The following ABCA1 variants were observed in gnomAD, a reference collection of about 807,000 sequenced individuals.
The protein encoded by ABCA1 is phospholipid-transporting ATPase ABCA1.
A neutral mutation model predicts 262.5 loss-of-function variants in ABCA1; 133 were observed. That is an observed-to-expected ratio of 0.51 (90% CI 0.44 to 0.59). The LOEUF (loss-of-function observed/expected upper bound fraction) is 0.59, where lower values mean the gene tolerates loss of function less well. Among genes scored for constraint, ABCA1 ranks in the 20% least tolerant of loss-of-function variants. ABCA1 has a pLI of 0.00. For synonymous variants in ABCA1, 1,022 were observed against 1,043.5 expected, an observed-to-expected ratio of 0.98 and a Z score of 0.40; for missense variants, 2,452 against 2,777.5, an observed-to-expected ratio of 0.88 and a Z score of 2.63.
intron 16 of ABCA1, 141 bp from the exon 17 acceptor site, chr9:104,826,028 G>A: frequency 1.2e-6 from 1 of 849,358 alleles, no homozygotes; most frequent in Non-Finnish European, 1.9e-6. Flanking sequence ...TTTACCTATA[G>A]AGTCCCTTTA....
chr9:104,812,633 C>A lies in ABCA1; in HGVS notation c.3991G>T (p.Ala1331Ser). ...ATTAGCAGTCTCTTCCACAAAAGGG[C>A]CACAAACTGTTGCTGTGTAAGTTTC... ...GWKLTQQQFV[A>S]LLWKRLLIAR... Residue 1331 changes from alanine (A) to serine (S), a missense_variant, in exon 28 of 50, where the codon GCC becomes TCC. Coordinates refer to ENST00000374736, the MANE Select transcript of ABCA1 (RefSeq NM_005502.4). 6.2e-7 allele frequency: 1 copy of A among 1,614,224 alleles called. No individual in the cohort carries two copies.
Position 104,818,672 on chromosome 9 carries a change from G to A in ABCA1, c.3453C>T (p.Tyr1151=), listed in dbSNP as rs1831998162. The A allele has an allele frequency of 1.2e-6, 2 of 1,613,016 alleles. No individual in the cohort carries two copies. The highest frequency in any genetic ancestry group is 1.7e-6 in the Non-Finnish European group (2 of 1,180,016). ...SCRNSSSTVS[Y]LKKEDSVSQS... ...CAAGACTGCAGCTCACCTTTTTCAG[G>A]TATGACACAGTGCTACTACTGTTTC... Residue 1151 remains tyrosine, a synonymous_variant, in exon 23 of 50, where the codon TAC becomes TAT. Transcript: ENST00000374736.
At chr9:104,835,448 T>C (rs940918933) in intron 11 of ABCA1, among the ~76,000 whole-genome samples, 10 of 152,126 alleles carry the variant, frequency 6.6e-5, no homozygotes, top group Non-Finnish European at 1.2e-4. Flanking sequence ...CTCACTTTGA[T>C]GCCTCCCTCT....
rs533411994 is a variant in ABCA1, at chr9:104,881,331, T to A, written c.421+1708A>T. The stretch of plus-strand genomic sequence containing the variant: ...AAATGCATCACTGTCTTAGAAAGAA[T>A]ACTGGCTCTCATTTATTGGGAATCT... On this transcript the variant is annotated intron_variant, in intron 5 of 49. Coordinates refer to ENST00000374736, the MANE Select transcript of ABCA1 (RefSeq NM_005502.4). Among the ~76,000 whole-genome samples, 30 of 152,326 alleles carry A rather than the reference T, an allele frequency of 2.0e-4. No homozygotes were observed. In the South Asian group the frequency reaches 5.2e-3, roughly 26 times the overall value.
In ABCA1 at chr9:104,799,902, C is replaced by T; in HGVS notation, c.4860G>A (p.Lys1620=). ...TTCCATAATGGCTAGGGTTCTCTCC[C>T]TTTTGCAGGTTGGCCCGGAGAATGG... ...NNAILRANLQ[K]GENPSHYGIT... The change falls in exon 36 of 50, where the codon AAG becomes AAA. Residue 1620 remains lysine, a synonymous_variant. Coordinates refer to ENST00000374736, the MANE Select transcript of ABCA1 (RefSeq NM_005502.4). 6.2e-7 allele frequency: 1 copy of T among 1,614,192 alleles called. No homozygotes were observed. The highest frequency in any genetic ancestry group is 8.5e-7 in the Non-Finnish European group (1 of 1,180,032).
intron 7 of ABCA1, among the ~76,000 whole-genome samples, chr9:104,848,625 A>G (rs1007800197): frequency 6.6e-6 from 1 of 151,956 alleles, no homozygotes; most frequent in African/African-American, 2.4e-5. Flanking sequence ...AGAAAAAAAA[A>G]AAAAAATGCA....
At chr9:104,819,849 G>C in intron 21 of ABCA1, 78 bp downstream of exon 21, 2 of 1,608,738 alleles carry the variant, frequency 1.2e-6, no homozygotes, top group South Asian at 1.1e-5. Context: ...GGACCCTGGG[G>C]CAGTGCTGAT....
chr9:104,883,995 G>A (rs1179574153), intron 4 of ABCA1, among the ~76,000 whole-genome samples: 1 of 152,214 alleles, frequency 6.6e-6, no homozygotes, highest in Non-Finnish European at 1.5e-5. Flanking sequence ...AGTGACAGAG[G>A]TGAGAGAGGT....
intron 1 of ABCA1, among the ~76,000 whole-genome samples, chr9:104,914,305 C>T (rs1201525339): frequency 2.0e-5 from 3 of 151,504 alleles, no homozygotes; most frequent in African/African-American, 7.3e-5. Flanking sequence ...GATAAAACCC[C>T]ATCTCCACTA....
At chr9:104,822,443 T>C in intron 19 of ABCA1, 53 bp downstream of exon 19, 1 of 1,608,212 alleles carries the variant, frequency 6.2e-7, no homozygotes, top group South Asian at 1.1e-5. Flanking sequence ...TTTCTAACTC[T>C]ACTGCAGAAC....
In ABCA1 at chr9:104,862,634, CG is replaced by C. The variant is rs1269740390; in HGVS notation, c.422-835del. Among the ~76,000 whole-genome samples, 216 of 62,146 alleles carry C rather than the reference CG, an allele frequency of 3.5e-3. 3 individuals carry two copies. Among genetic ancestry groups the C allele is most frequent in the Non-Finnish European group, 5.7e-3 (179 of 31,560 alleles). The allele number at this position is 62,146 out of a possible 152,430, so 40.8% of individuals were successfully genotyped here. On this transcript the variant is annotated intron_variant, in intron 5 of 49. Coordinates refer to ENST00000374736, the MANE Select transcript of ABCA1 (RefSeq NM_005502.4). The stretch of plus-strand genomic sequence containing the variant: ...GAGAGCTTGTTAAAATGCAGACTGC[CG>C]GGCCGGGCCGGGCCGGGCCGGGCCG...
chr9:104,884,008 C>T (rs3904999), intron 4 of ABCA1, among the ~76,000 whole-genome samples: 30,497 of 152,098 alleles, frequency 0.2, 3,171 homozygotes, highest in South Asian at 0.32. Flanking sequence ...AGAGAGGTGA[C>T]CTGATGCAGA....
intron 2 of ABCA1, among the ~76,000 whole-genome samples, chr9:104,892,233 C>T (rs1003575737): frequency 1.3e-5 from 2 of 151,866 alleles, no homozygotes; most frequent in African/African-American, 4.8e-5. Flanking sequence ...TGTAAATAAT[C>T]CCAAAGAGGC....
rs181469381 is a variant in ABCA1, at chr9:104,805,191, C to T, written c.4465-471G>A. The stretch of plus-strand genomic sequence containing the variant: ...CCAGGTTCAAGCAATTCTCCTGCTT[C>T]AGCCTCCCAAGTAACTGGGATTACA... On this transcript the variant is annotated intron_variant, in intron 31 of 49. Coordinates refer to ENST00000374736, the MANE Select transcript of ABCA1 (RefSeq NM_005502.4). Among the ~76,000 whole-genome samples the T allele has an allele frequency of 4.5e-3, 681 of 152,304 alleles. 5 individuals are homozygous for T. Among genetic ancestry groups the T allele is most frequent in the African/African-American group, 0.016 (657 of 41,556 alleles).
chr9:104,786,729 G>GT, intron 47 of ABCA1, 144 bp downstream of exon 47: 1 of 798,612 alleles, frequency 1.3e-6, no homozygotes. Flanking sequence ...TTGCATTTTT[G>GT]TAAGAATATG....
At chr9:104,815,005 TA>T (rs1046858315) in intron 25 of ABCA1, among the ~76,000 whole-genome samples, 10 of 151,168 alleles carry the variant, frequency 6.6e-5, no homozygotes, top group African/African-American at 2.4e-4. Flanking sequence ...TCATCAAAAA[TA>T]AAAAAAAATT....
chr9:104,832,217 C>T (rs1014205180), intron 12 of ABCA1, among the ~76,000 whole-genome samples: 4 of 152,062 alleles, frequency 2.6e-5, no homozygotes, highest in African/African-American at 7.2e-5. Context: ...TTTAATTGGA[C>T]CCGAATTCGA....
chr9:104,787,785 T>C, intron 46 of ABCA1, 135 bp downstream of exon 46: 1 of 1,588,842 alleles, frequency 6.3e-7, no homozygotes, highest in Non-Finnish European at 8.6e-7. Context: ...TTCCCTCTGC[T>C]TTTCCAAGGT....
chr9:104,903,483 G>C (rs909425339), intron 2 of ABCA1, 131 bp downstream of exon 2: 2 of 975,266 alleles, frequency 2.1e-6, no homozygotes, highest in Non-Finnish European at 3.2e-6. Context: ...GTGTCCATAA[G>C]AGCCAGATTC....
Sources: allele counts gnomAD v4.1 joint callset (sites outside exome capture counted in the v4.1 genomes callset), GRCh38; gene constraint gnomAD v4.1.1; transcripts MANE v1.5; gene names NCBI Gene and HGNC (gene_info 2026-07-23, HGNC 2026-07-21).